Variants in KLHL4 observed in about 807,000 individuals in gnomAD.
The protein encoded by KLHL4 is kelch-like protein 4.
KLHL4 carries 17 observed loss-of-function variants against 45.8 expected under a neutral mutation model. The observed-to-expected ratio is 0.37, with a 90% CI of 0.25 to 0.56. KLHL4 has a LOEUF of 0.56. Among genes scored for constraint, KLHL4 ranks in the 20% least tolerant of loss-of-function variants. KLHL4 has a pLI of 0.79. For missense variants in KLHL4, 544 were observed against 544.9 expected, an observed-to-expected ratio of 1.00 and a Z score of 0.02; for synonymous variants, 224 against 189.9, an observed-to-expected ratio of 1.18 and a Z score of -1.47.
At chrX:87,649,709 C>T (rs1212681239) in intron 9 of KLHL4, among the ~76,000 whole-genome samples, 2 of 111,304 alleles carry the variant, frequency 1.8e-5, no homozygotes, top group African/African-American at 6.5e-5. Flanking sequence ...AGTAAAGATT[C>T]AACTTTATTC....
At chrX:87,587,224 A>G (rs189843590) in intron 1 of KLHL4, among the ~76,000 whole-genome samples, 18 of 109,431 alleles carry the variant, frequency 1.6e-4, no homozygotes, top group African/African-American at 1.3e-4. Context: ...AGAAGAATTA[A>G]TAACAATCTC....
chrX:87,648,010 T>C (rs1263545582), intron 9 of KLHL4, among the ~76,000 whole-genome samples: 1 of 111,346 alleles, frequency 9.0e-6, no homozygotes, highest in Non-Finnish European at 1.9e-5. Flanking sequence ...ATTTTATTAA[T>C]ATACAGAAGT....
At chrX:87,653,165 G>C (rs1019586895) in intron 9 of KLHL4, among the ~76,000 whole-genome samples, 2 of 111,586 alleles carry the variant, frequency 1.8e-5, no homozygotes, top group African/African-American at 3.3e-5. Flanking sequence ...GATGAGATTT[G>C]GGTGTGGACA....
rs1306720073 is a variant in KLHL4 at position 87,530,526 on chromosome X, T to C, written c.422+12211T>C. ...ATGAGTGAGAATATGCGGTGTTTGG[T>C]TTTTTGTCCTTGCGATAGTTTACTG... is the stretch of plus-strand genomic sequence containing the variant. On this transcript the variant is annotated intron_variant, in intron 1 of 10. Transcript: ENST00000373119. 9.0e-4 allele frequency among the ~76,000 whole-genome samples: 90 copies of C among 99,692 alleles called. 1 individual carries two copies. Among genetic ancestry groups the C allele is most frequent in the African/African-American group, 3.3e-3 (88 of 27,058 alleles). 86.6% of individuals were successfully genotyped at this position (99,692 alleles called of 115,157 possible). A position where few individuals can be genotyped will look rare whatever the true frequency, so the allele number is the denominator to read the frequency against.
chrX:87,555,202 A>G (rs1321202168), intron 1 of KLHL4, among the ~76,000 whole-genome samples: 12 of 106,542 alleles, frequency 1.1e-4, no homozygotes, highest in African/African-American at 6.9e-5. Context: ...GTCTCTGCCC[A>G]GCTTTGGTAT....
intron 1 of KLHL4, among the ~76,000 whole-genome samples, chrX:87,583,348 G>C (rs1921350701): frequency 8.9e-6 from 1 of 112,229 alleles, no homozygotes; most frequent in Non-Finnish European, 1.9e-5. Context: ...GGGAGTGCTA[G>C]CATCACCCTC....
At chrX:87,640,566 A>C (rs1923420121) in intron 9 of KLHL4, among the ~76,000 whole-genome samples, 1 of 112,080 alleles carries the variant, frequency 8.9e-6, no homozygotes, top group South Asian at 3.7e-4. Context: ...GATATGCCTC[A>C]TAAAAATATT....
At chrX:87,598,188 C>A (rs755122256) in intron 1 of KLHL4, among the ~76,000 whole-genome samples, 4 of 110,491 alleles carry the variant, frequency 3.6e-5, no homozygotes, top group Admixed American at 1.9e-4. Flanking sequence ...ACCTATTATT[C>A]TCTGCTTATA....
intron 9 of KLHL4, among the ~76,000 whole-genome samples, chrX:87,651,007 T>G (rs1923798684): frequency 8.9e-6 from 1 of 112,151 alleles, no homozygotes; most frequent in Non-Finnish European, 1.9e-5. Flanking sequence ...GTGCTAACTC[T>G]AAGCTGGGTT....
At chrX:87,646,503 G>A (rs148850109) in intron 9 of KLHL4, among the ~76,000 whole-genome samples, 2,278 of 111,440 alleles carry the variant, frequency 0.02, 24 homozygotes, top group Middle Eastern at 0.062. Flanking sequence ...TATACTATAA[G>A]GCCATACTCT....
intron 9 of KLHL4, among the ~76,000 whole-genome samples, chrX:87,659,385 T>C (rs1326997271): frequency 9.1e-6 from 1 of 110,366 alleles, no homozygotes; most frequent in Non-Finnish European, 1.9e-5. Context: ...CCCAAAGTGC[T>C]GGGATTACAG....
intron 10 of KLHL4, 21 bp from the exon 11 acceptor site, chrX:87,666,453 TG>T: frequency 8.6e-7 from 1 of 1,166,440 alleles, no homozygotes; most frequent in Non-Finnish European, 1.2e-6. Context: ...AACAGTGTTT[TG>T]TTTCTTATTT....
chrX:87,523,264 T>G (rs1569332797), intron 1 of KLHL4, among the ~76,000 whole-genome samples: 3 of 111,687 alleles, frequency 2.7e-5, no homozygotes, highest in African/African-American at 9.8e-5. Context: ...CCTTAAGACA[T>G]TATAAGTCAT....
chrX:87,635,509 G>T, intron 8 of KLHL4, 54 bp from the exon 9 acceptor site: 5 of 933,637 alleles, frequency 5.4e-6, no homozygotes, highest in Non-Finnish European at 7.6e-6. Flanking sequence ...TGCATTTTGT[G>T]TGTATATGTA....
intron 1 of KLHL4, among the ~76,000 whole-genome samples, chrX:87,581,911 A>G (rs776220192): frequency 2.0e-4 from 22 of 112,124 alleles, no homozygotes; most frequent in Admixed American, 9.4e-5. Flanking sequence ...AATGAACTTC[A>G]CTGAGCTAAA....
At chrX:87,560,164 A>G (rs1932063522) in intron 1 of KLHL4, among the ~76,000 whole-genome samples, 1 of 111,904 alleles carries the variant, frequency 8.9e-6, no homozygotes, top group Admixed American at 9.5e-5. Flanking sequence ...TGTGACAATA[A>G]TGCTTCTATC....
At chrX:87,620,010 C>T (rs140423415) in intron 4 of KLHL4, among the ~76,000 whole-genome samples, 1,347 of 111,354 alleles carry the variant, frequency 0.012, 13 homozygotes, top group African/African-American at 0.042. Flanking sequence ...GTGAATGGGC[C>T]TCATCCAGAA....
intron 9 of KLHL4, among the ~76,000 whole-genome samples, chrX:87,654,749 T>C (rs1602467462): frequency 8.9e-6 from 1 of 112,085 alleles, no homozygotes; most frequent in East Asian, 2.8e-4. Context: ...TGTACTTATT[T>C]GCATTCCCAC....
chrX:87,635,046 C>T (rs1175772361), intron 8 of KLHL4, among the ~76,000 whole-genome samples: 2 of 111,550 alleles, frequency 1.8e-5, no homozygotes, highest in Admixed American at 9.5e-5. Flanking sequence ...ATATCACTTA[C>T]GAGGGAAAAA....
Sources: gnomAD v4.1 joint callset for allele counts (sites outside exome capture counted in the v4.1 genomes callset) on GRCh38, gnomAD v4.1.1 for gene constraint, MANE v1.5 for transcripts, NCBI Gene and HGNC (gene_info 2026-07-23, HGNC 2026-07-21) for gene names.